Variants in SLIT2 observed in about 807,000 individuals in gnomAD.
SLIT2 encodes slit homolog 2 protein.
In SLIT2, 41 loss-of-function variants were observed where a neutral mutation model predicts 185.7. The ratio of observed to expected loss-of-function variants is 0.22; its 90% CI spans 0.17 to 0.29. SLIT2 has a LOEUF of 0.29. Ranked by LOEUF, SLIT2 falls within the 10% of genes least tolerant of loss-of-function variation. The pLI, the probability that SLIT2 is intolerant of heterozygous loss-of-function variation, is 1.00. For synonymous variants in SLIT2, 693 were observed against 680.2 expected (o/e 1.02, Z -0.29); for missense variants, 1,571 against 1,909.0 (o/e 0.82, Z 3.30).
intron 4 of SLIT2, among the ~76,000 whole-genome samples, chr4:20,442,258 G>A (rs1347793166): frequency 1.3e-5 from 2 of 152,126 alleles, no homozygotes; most frequent in Non-Finnish European, 2.9e-5. Flanking sequence ...GGTGGCTCAC[G>A]CCTGTAATCC....
intron 3 of SLIT2, among the ~76,000 whole-genome samples, chr4:20,261,071 G>C (rs1349970764): frequency 6.6e-6 from 1 of 151,764 alleles, no homozygotes; most frequent in Non-Finnish European, 1.5e-5. Context: ...ATTATTTTCT[G>C]TTTTGACAGT....
intron 4 of SLIT2, among the ~76,000 whole-genome samples, chr4:20,391,101 A>G (rs1725380025): frequency 1.3e-5 from 2 of 152,072 alleles, no homozygotes; most frequent in Non-Finnish European, 2.9e-5. Flanking sequence ...ATTTGACTCT[A>G]AAGGCCAAAG....
At chr4:20,281,834 A>G (rs1016596911) in intron 4 of SLIT2, among the ~76,000 whole-genome samples, 1 of 152,218 alleles carries the variant, frequency 6.6e-6, no homozygotes, top group Non-Finnish European at 1.5e-5. Context: ...AGTTGTATGA[A>G]TGAGAATAAC....
Position 20,589,737 on chromosome 4 carries a change from A to G in SLIT2, c.3182A>G (p.Lys1061Arg), listed in dbSNP as rs780044304. 1 of 1,611,998 alleles carries G rather than the reference A, an allele frequency of 6.2e-7. No individual in the cohort carries two copies. The highest frequency in any genetic ancestry group is 8.5e-7 in the Non-Finnish European group (1 of 1,178,566). Residue 1061 changes from lysine to arginine, a missense_variant and splice_region_variant, in exon 30 of 37, where the codon AAA becomes AGA. Around this residue, in one of 3 missense-constraint regions of SLIT2, gnomAD observed 1,202 missense variants for 1,416.4 expected, o/e 0.85. Transcript: ENST00000504154. ...TGCATCCTAACTCCAAAGGGATTCA[A>G]GTAAGTCAAAAGCTACCTTTTTGCT... ...SKCILTPKGF[K>R]CDCTPGYVGE...
chr4:20,370,999 T>G (rs1723526539), intron 4 of SLIT2, among the ~76,000 whole-genome samples: 1 of 152,106 alleles, frequency 6.6e-6, no homozygotes, highest in African/African-American at 2.4e-5. Flanking sequence ...CCCCTTCCTT[T>G]CAACAGATTG....
intron 4 of SLIT2, among the ~76,000 whole-genome samples, chr4:20,407,834 A>G (rs1726893575): frequency 6.6e-6 from 1 of 152,200 alleles, no homozygotes; most frequent in Non-Finnish European, 1.5e-5. Flanking sequence ...TTTCCAATGA[A>G]AAATTTGCAT....
At chr4:20,280,833 G>GTTTTGTTTT (rs1714680515) in intron 4 of SLIT2, among the ~76,000 whole-genome samples, 1 of 130,652 alleles carries the variant, frequency 7.7e-6, no homozygotes, top group African/African-American at 3.0e-5. Flanking sequence ...TTAAAAAAAT[G>GTTTTGTTTT]TTTTTTTTTT....
At chr4:20,560,730 A>G (rs1459457028) in intron 26 of SLIT2, among the ~76,000 whole-genome samples, 2 of 151,946 alleles carry the variant, frequency 1.3e-5, no homozygotes, top group African/African-American at 4.8e-5. Context: ...AAATAATTAC[A>G]TATGCTAATG....
At chr4:20,618,276 G>T (rs938512372) in intron 36 of SLIT2, among the ~76,000 whole-genome samples, 2 of 152,192 alleles carry the variant, frequency 1.3e-5, no homozygotes, top group African/African-American at 4.8e-5. Context: ...ACGTGCCCAT[G>T]GAAGCTTTTA....
chr4:20,519,269 T>C (rs1720601863), intron 11 of SLIT2, 113 bp from the exon 12 acceptor site: 1 of 666,534 alleles, frequency 1.5e-6, no homozygotes, highest in Non-Finnish European at 2.7e-6. Context: ...CTATAACTTT[T>C]ATGATGTATT....
chr4:20,563,204 C>T (rs1335484692), intron 26 of SLIT2, among the ~76,000 whole-genome samples: 1 of 151,892 alleles, frequency 6.6e-6, no homozygotes, highest in Admixed American at 6.6e-5. Flanking sequence ...TGCTATAGTG[C>T]TCTCTTAATC....
chr4:20,459,686 C>T (rs1462153464), intron 4 of SLIT2, among the ~76,000 whole-genome samples: 2 of 152,082 alleles, frequency 1.3e-5, no homozygotes, highest in South Asian at 2.1e-4. Context: ...TTCTCCTCTC[C>T]TGTGTTGCCT....
intron 4 of SLIT2, among the ~76,000 whole-genome samples, chr4:20,334,917 T>A (rs1047426515): frequency 2.0e-5 from 3 of 152,202 alleles, no homozygotes; most frequent in African/African-American, 7.2e-5. Flanking sequence ...AAGTAAGGCT[T>A]TTCATATGTA....
intron 4 of SLIT2, among the ~76,000 whole-genome samples, chr4:20,438,767 A>T (rs962731223): frequency 3.3e-5 from 5 of 152,062 alleles, no homozygotes; most frequent in Non-Finnish European, 5.9e-5. Flanking sequence ...GAATATTTCC[A>T]CCCTGGGGCC....
intron 4 of SLIT2, among the ~76,000 whole-genome samples, chr4:20,355,217 G>A (rs1722224893): frequency 6.6e-6 from 1 of 152,108 alleles, no homozygotes; most frequent in Non-Finnish European, 1.5e-5. Context: ...TCTTCTGGCT[G>A]AATGAATATT....
intron 4 of SLIT2, among the ~76,000 whole-genome samples, chr4:20,359,558 G>A (rs919952327): frequency 6.6e-6 from 1 of 152,010 alleles, no homozygotes; most frequent in Non-Finnish European, 1.5e-5. Context: ...GTGTCACTTA[G>A]GATGCCATTA....
intron 26 of SLIT2, among the ~76,000 whole-genome samples, chr4:20,563,635 G>A (rs1303843716): frequency 2.0e-5 from 3 of 151,712 alleles, no homozygotes; most frequent in Non-Finnish European, 4.4e-5. Context: ...GCAGCTCCTA[G>A]CATATATAGA....
intron 22 of SLIT2, among the ~76,000 whole-genome samples, chr4:20,547,342 T>C (rs1007446886): frequency 6.6e-6 from 1 of 152,106 alleles, no homozygotes; most frequent in African/African-American, 2.4e-5. Flanking sequence ...ATGTGATTAC[T>C]TTCAAGCCAG....
chr4:20,319,113 GA>G (rs572878102), intron 4 of SLIT2, among the ~76,000 whole-genome samples: 33 of 152,132 alleles, frequency 2.2e-4, no homozygotes, highest in Non-Finnish European at 4.3e-4. Context: ...CTTTAAAGGG[GA>G]AAAGACTGTT....
Sources: gnomAD v4.1 joint callset for allele counts (sites outside exome capture counted in the v4.1 genomes callset) on GRCh38, gnomAD v4.1.1 for gene constraint, gnomAD v4.1.1 regional missense constraint, MANE v1.5 for transcripts, NCBI Gene and HGNC (gene_info 2026-07-23, HGNC 2026-07-21) for gene names.